LUZP1: variants seen among roughly 807,000 people sequenced by gnomAD.
The protein encoded by LUZP1 is leucine zipper protein 1.
A neutral mutation model predicts 71.3 loss-of-function variants in LUZP1; 25 were observed. That is an observed-to-expected ratio of 0.35 (90% confidence interval 0.26 to 0.49). The LOEUF (loss-of-function observed/expected upper bound fraction) is 0.49. Among genes scored for constraint, LUZP1 ranks in the 20% least tolerant of loss-of-function variants. The pLI, the probability that LUZP1 is intolerant of heterozygous loss-of-function variation, is 0.99. For synonymous variants in LUZP1, 481 were observed against 506.4 expected (o/e 0.95, Z 0.67); for missense variants, 1,142 against 1,300.8 (o/e 0.88, Z 1.88).
chr1:23,131,954 G>A (rs1445836303), intron 2 of LUZP1, among the ~76,000 whole-genome samples: 1 of 152,158 alleles, frequency 6.6e-6, no homozygotes, highest in African/African-American at 2.4e-5. Context: ...CCAAAGTGCT[G>A]GGATTACAAG....
At chr1:23,128,410 CATCT>C (rs781073991) in intron 2 of LUZP1, among the ~76,000 whole-genome samples, 11 of 152,256 alleles carry the variant, frequency 7.2e-5, no homozygotes, top group Non-Finnish European at 1.3e-4. Context: ...CTTGCCTCCC[CATCT>C]AACAATCATG....
chr1:23,166,854 G>A (rs538324749), intron 2 of LUZP1, among the ~76,000 whole-genome samples: 9 of 152,086 alleles, frequency 5.9e-5, no homozygotes, highest in Non-Finnish European at 8.8e-5. Context: ...TTAACAATCC[G>A]CATTATTAAT....
chr1:23,086,088 G>A (rs1278945956), exon 5 of LUZP1: 2 of 152,158 alleles, frequency 1.3e-5, no homozygotes, highest in Admixed American at 1.3e-4. Context: ...CAACTACCAG[G>A]TCTCCCCTCT....
chr1:23,177,298 C>G (rs1357344309), intron 1 of LUZP1, among the ~76,000 whole-genome samples: 2 of 152,162 alleles, frequency 1.3e-5, no homozygotes, highest in Non-Finnish European at 2.9e-5. Flanking sequence ...TCACAGACCT[C>G]TGAGAGGACA....
At chr1:23,134,903 C>T (rs972816700) in intron 2 of LUZP1, among the ~76,000 whole-genome samples, 6 of 152,214 alleles carry the variant, frequency 3.9e-5, no homozygotes, top group Admixed American at 2.6e-4. Flanking sequence ...TGTGCCACAG[C>T]GGTTTGCTGC....
chr1:23,127,046 C>T (rs1040013396), intron 2 of LUZP1, among the ~76,000 whole-genome samples: 2 of 152,212 alleles, frequency 1.3e-5, no homozygotes, highest in Non-Finnish European at 2.9e-5. Context: ...AAAATCACTT[C>T]GCTCTATTCT....
At chr1:23,090,197 C>T (rs1213204782) in intron 4 of LUZP1, among the ~76,000 whole-genome samples, 2 of 152,216 alleles carry the variant, frequency 1.3e-5, no homozygotes, top group Non-Finnish European at 2.9e-5. Context: ...AGTCTTCGCT[C>T]TTCCAGTAAT....
At chr1:23,152,223 CCTAA>C (rs147867128) in intron 2 of LUZP1, among the ~76,000 whole-genome samples, 251 of 152,082 alleles carry the variant, frequency 1.7e-3, no homozygotes, top group African/African-American at 5.7e-3. Flanking sequence ...TAACAGTTAA[CCTAA>C]CTAAGGATGA....
intron 1 of LUZP1, among the ~76,000 whole-genome samples, chr1:23,177,038 C>T (rs534554711): frequency 3.6e-4 from 54 of 150,658 alleles, no homozygotes; most frequent in African/African-American, 1.3e-3. Context: ...TGTGCCACCA[C>T]GTCCAGTTAA....
chr1:23,130,867 T>C (rs930795893), intron 2 of LUZP1, among the ~76,000 whole-genome samples: 1 of 152,082 alleles, frequency 6.6e-6, no homozygotes, highest in African/African-American at 2.4e-5. Flanking sequence ...ATGTTCCATA[T>C]ACATACATTG....
intron 2 of LUZP1, among the ~76,000 whole-genome samples, chr1:23,135,252 A>G (rs1644244512): frequency 6.6e-6 from 1 of 152,240 alleles, no homozygotes; most frequent in Non-Finnish European, 1.5e-5. Flanking sequence ...AAAGTGAAAT[A>G]AAGATTATAA....
chr1:23,135,428 T>C (rs1472813536), intron 2 of LUZP1, among the ~76,000 whole-genome samples: 1 of 152,232 alleles, frequency 6.6e-6, no homozygotes, highest in South Asian at 2.1e-4. Context: ...TACCTACTTA[T>C]GGGGTGGAGT....
At chr1:23,095,847 C>G (rs1436582874) in intron 3 of LUZP1, among the ~76,000 whole-genome samples, 1 of 152,134 alleles carries the variant, frequency 6.6e-6, no homozygotes, top group Non-Finnish European at 1.5e-5. Context: ...GAGAAACTAA[C>G]ATAAAATGGC....
chr1:23,163,735 T>A (rs757053171), intron 2 of LUZP1, among the ~76,000 whole-genome samples: 1 of 152,098 alleles, frequency 6.6e-6, no homozygotes, highest in Admixed American at 6.6e-5. Context: ...TATTTTAATA[T>A]GGTATTTTCA....
intron 2 of LUZP1, among the ~76,000 whole-genome samples, chr1:23,148,084 A>C (rs1266865840): frequency 6.6e-6 from 1 of 152,224 alleles, no homozygotes; most frequent in Non-Finnish European, 1.5e-5. Flanking sequence ...TAAAATAGGT[A>C]GTGTCTTCTT....
intron 2 of LUZP1, among the ~76,000 whole-genome samples, chr1:23,117,662 AT>A (rs903309422): frequency 1.3e-5 from 2 of 152,070 alleles, no homozygotes; most frequent in African/African-American, 4.8e-5. Flanking sequence ...CCAAGTCAGA[AT>A]AATCAGGCTC....
intron 3 of LUZP1, among the ~76,000 whole-genome samples, chr1:23,095,317 A>G (rs1643886849): frequency 6.6e-6 from 1 of 152,256 alleles, no homozygotes; most frequent in South Asian, 2.1e-4. Context: ...CATTTCCACC[A>G]CTACAGCAAA....
chr1:23,092,557 A>T, exon 4 of LUZP1: 1 of 1,614,190 alleles, frequency 6.2e-7, no homozygotes, highest in Middle Eastern at 1.6e-4. Context: ...CTTCGAGATG[A>T]GGCCAGGGCT....
chr1:23,176,922 C>T (rs551524594), intron 1 of LUZP1, among the ~76,000 whole-genome samples: 1 of 152,238 alleles, frequency 6.6e-6, no homozygotes, highest in Admixed American at 6.5e-5. Context: ...GCCTCTGTCA[C>T]CCAGGCTGCA....
Sources: allele counts gnomAD v4.1 joint callset (sites outside exome capture counted in the v4.1 genomes callset), GRCh38; gene constraint gnomAD v4.1.1; transcripts MANE v1.5; gene names NCBI Gene and HGNC (gene_info 2026-07-23, HGNC 2026-07-21).